Variants in CNTNAP5 observed in about 807,000 individuals in gnomAD.
CNTNAP5 encodes the protein contactin-associated protein-like 5.
CNTNAP5 carries 72 observed loss-of-function variants against 150.2 expected under a neutral mutation model. The ratio of observed to expected loss-of-function variants is 0.48; its 90% CI spans 0.40 to 0.58. The LOEUF (loss-of-function observed/expected upper bound fraction) is 0.58, where lower values mean the gene tolerates loss of function less well. Ranked by LOEUF, CNTNAP5 falls within the 20% of genes least tolerant of loss-of-function variation. The pLI, the probability that CNTNAP5 is intolerant of heterozygous loss-of-function variation, is 0.00. For missense variants in CNTNAP5, 1,636 were observed against 1,626.2 expected (o/e 1.01, Z -0.10); for synonymous variants, 672 against 619.8 (o/e 1.08, Z -1.25).
intron 10 of CNTNAP5, among the ~76,000 whole-genome samples, chr2:124,559,153 T>G (rs541039528): frequency 6.6e-6 from 1 of 152,312 alleles, no homozygotes; most frequent in East Asian, 1.9e-4. Context: ...GATAAACCTT[T>G]TCACTTTATC....
chr2:124,098,360 G>A (rs1243101966), intron 1 of CNTNAP5, among the ~76,000 whole-genome samples: 1 of 152,116 alleles, frequency 6.6e-6, no homozygotes, highest in East Asian at 1.9e-4. Flanking sequence ...GATATGCAGG[G>A]GTGGCAGAAG....
At chr2:124,389,853 C>T (rs1056609913) in intron 3 of CNTNAP5, among the ~76,000 whole-genome samples, 1 of 152,052 alleles carries the variant, frequency 6.6e-6, no homozygotes, top group African/African-American at 2.4e-5. Context: ...CTTGTCCCAG[C>T]TACTTGGGAG....
intron 3 of CNTNAP5, among the ~76,000 whole-genome samples, chr2:124,298,454 C>T (rs1237415926): frequency 1.3e-5 from 2 of 152,120 alleles, no homozygotes; most frequent in Non-Finnish European, 1.5e-5. Flanking sequence ...ACCTTCTAAG[C>T]TATATATCTA....
At chr2:124,652,101 T>C (rs140669994) in intron 13 of CNTNAP5, among the ~76,000 whole-genome samples, 335 of 152,298 alleles carry the variant, frequency 2.2e-3, no homozygotes, top group Non-Finnish European at 4.0e-3. Context: ...GATATTTTTT[T>C]CCCAGAACTA....
intron 19 of CNTNAP5, among the ~76,000 whole-genome samples, chr2:124,831,561 A>C (rs1276374561): frequency 6.6e-6 from 1 of 150,506 alleles, no homozygotes; most frequent in African/African-American, 2.4e-5. Flanking sequence ...TATATATTAA[A>C]ATATTTTAAA....
At chr2:124,786,697 G>A (rs1336923753) in intron 17 of CNTNAP5, among the ~76,000 whole-genome samples, 3 of 152,058 alleles carry the variant, frequency 2.0e-5, no homozygotes, top group African/African-American at 7.2e-5. Flanking sequence ...CCACAGGGCT[G>A]GCGTAGGGGA....
At position 124,188,386 on chromosome 2, in the gene CNTNAP5, A is replaced by AT. The variant is rs558972022; in HGVS notation, c.83-33318dup. ...AACCAAACGTGATTCTTAAGATTATATAAGTTAACAGAAACATCTATTTAT... is the reference window on the plus strand; with the variant it reads ...AACCAAACGTGATTCTTAAGATTATATTAAGTTAACAGAAACATCTATTTAT... On this transcript the variant is annotated intron_variant, in intron 1 of 23. Transcript: ENST00000682447. Among the ~76,000 whole-genome samples the AT allele has an allele frequency of 2.0e-5, 3 of 152,308 alleles. No individual in the cohort carries two copies. In the South Asian group the frequency reaches 6.2e-4, roughly 32 times the overall value.
At chr2:124,681,130 A>T (rs1386195125) in intron 13 of CNTNAP5, among the ~76,000 whole-genome samples, 1 of 148,966 alleles carries the variant, frequency 6.7e-6, no homozygotes, top group Non-Finnish European at 1.5e-5. Flanking sequence ...ACTAAAAAAA[A>T]TAAATAAATA....
chr2:124,362,682 CA>C (rs1270455073), intron 3 of CNTNAP5, among the ~76,000 whole-genome samples: 2 of 152,120 alleles, frequency 1.3e-5, no homozygotes, highest in African/African-American at 4.8e-5. Flanking sequence ...ACCTTTCTGT[CA>C]ATTTTAATTA....
At position 124,921,068 on chromosome 2, in the gene CNTNAP5, A is replaced by G. The variant is rs1018928342; in HGVS notation, c.*6780A>G. Among the ~76,000 whole-genome samples, 4 of 152,140 alleles carry G rather than the reference A, an allele frequency of 2.6e-5. No homozygotes were observed. The highest frequency in any genetic ancestry group is 9.7e-5 in the African/African-American group (4 of 41,444). On this transcript the variant is annotated 3_prime_UTR_variant, in exon 24 of 24. Transcript: ENST00000682447. ...CCAAGTCAGTTTTGTAGACCATGTA[A>G]CATGTCTTAATACACTGTATGGGGA... is the stretch of plus-strand genomic sequence containing the variant.
chr2:124,309,720 C>T (rs184335995), intron 3 of CNTNAP5, among the ~76,000 whole-genome samples: 190 of 152,304 alleles, frequency 1.2e-3, no homozygotes, highest in African/African-American at 4.3e-3. Flanking sequence ...TATGCTACTA[C>T]GCATGTGATG....
chr2:124,249,735 A>T (rs1427799846), intron 3 of CNTNAP5, among the ~76,000 whole-genome samples: 4 of 152,194 alleles, frequency 2.6e-5, no homozygotes, highest in Non-Finnish European at 5.9e-5. Context: ...GTCATTGGCC[A>T]CAATCACTCA....
chr2:124,423,315 C>T (rs940850524), intron 4 of CNTNAP5, among the ~76,000 whole-genome samples: 2 of 152,186 alleles, frequency 1.3e-5, no homozygotes, highest in Non-Finnish European at 2.9e-5. Context: ...GCTCACCAAA[C>T]TTCCCTATAT....
chr2:124,795,971 A>G (rs1681837096), intron 18 of CNTNAP5, among the ~76,000 whole-genome samples: 2 of 152,024 alleles, frequency 1.3e-5, no homozygotes, highest in Non-Finnish European at 2.9e-5. Context: ...TGCAAGTTAA[A>G]TATCTTTATC....
chr2:124,800,323 G>T (rs1036819783), intron 19 of CNTNAP5, among the ~76,000 whole-genome samples: 2 of 152,126 alleles, frequency 1.3e-5, no homozygotes, highest in African/African-American at 4.8e-5. Flanking sequence ...CAGCTGCCAT[G>T]AAGACAGACA....
At chr2:124,145,838 A>AAAAAAAAAT (rs1684236657) in intron 1 of CNTNAP5, among the ~76,000 whole-genome samples, 1 of 94,138 alleles carries the variant, frequency 1.1e-5, no homozygotes, top group Non-Finnish European at 2.3e-5. Flanking sequence ...AGAAGAAAAA[A>AAAAAAAAAT]AAAAAAAATA....
At chr2:124,817,528 A>T (rs1377050210) in intron 19 of CNTNAP5, among the ~76,000 whole-genome samples, 1 of 152,120 alleles carries the variant, frequency 6.6e-6, no homozygotes, top group Non-Finnish European at 1.5e-5. Flanking sequence ...GGTCTTGATG[A>T]TGTTTAAGTC....
chr2:124,795,096 T>G (rs1164989114), intron 18 of CNTNAP5, among the ~76,000 whole-genome samples: 1 of 152,198 alleles, frequency 6.6e-6, no homozygotes, highest in Non-Finnish European at 1.5e-5. Flanking sequence ...TCTACTACTA[T>G]TATTAAAACC....
intron 13 of CNTNAP5, among the ~76,000 whole-genome samples, chr2:124,712,960 T>C (rs1459286764): frequency 6.6e-6 from 1 of 152,100 alleles, no homozygotes; most frequent in Non-Finnish European, 1.5e-5. Context: ...AAGCCTCTGT[T>C]CTCAGGACCT....
Sources: allele counts gnomAD v4.1 joint callset (sites outside exome capture counted in the v4.1 genomes callset), GRCh38; gene constraint gnomAD v4.1.1; transcripts MANE v1.5; gene names NCBI Gene and HGNC (gene_info 2026-07-23, HGNC 2026-07-21).